Variants in ARHGEF28 observed in about 807,000 individuals in gnomAD.
The protein encoded by ARHGEF28 is Rho guanine nucleotide exchange factor 28.
ARHGEF28 carries 152 observed loss-of-function variants against 206.6 expected under a neutral mutation model. The observed-to-expected ratio is 0.74, with a 90% CI of 0.64 to 0.84. The LOEUF is 0.84. Among genes scored for constraint, ARHGEF28 ranks in the 40% least tolerant of loss-of-function variants. The probability of loss-of-function intolerance (pLI) is 0.00; values close to 1 mark genes in which losing one functional copy is unlikely to be tolerated. For synonymous variants in ARHGEF28, 763 were observed against 776.4 expected (o/e 0.98, Z 0.29); for missense variants, 2,028 against 2,073.2 (o/e 0.98, Z 0.42).
chr5:73,743,725 A>G (rs1280382808), intron 2 of ARHGEF28, among the ~76,000 whole-genome samples: 1 of 152,206 alleles, frequency 6.6e-6, no homozygotes, highest in African/African-American at 2.4e-5. Flanking sequence ...CAGAATCTGT[A>G]ACTGATAGAC....
rs572905410 is a variant in ARHGEF28, at chr5:73,886,049, G to T, written c.3255G>T (p.Arg1085Ser). The T allele has an allele frequency of 6.2e-7, 1 of 1,613,930 alleles. No homozygotes were observed. Among genetic ancestry groups the T allele is most frequent in the South Asian group, 1.1e-5 (1 of 91,068 alleles). ...AGCAGGCACTGATGAGTGAAGAAAGGACTCTGTTATATGATGGCCTTGTTT... is the reference window on the plus strand; with the variant it reads ...AGCAGGCACTGATGAGTGAAGAAAGTACTCTGTTATATGATGGCCTTGTTT... ...FRKQALMSEERTLLYDGLVYW... is the reference protein window; with the variant it reads ...FRKQALMSEESTLLYDGLVYW... Residue 1085 changes from arginine (R) to serine (S), a missense_variant, in exon 25 of 36, where the codon AGG becomes AGT. Physicochemically the swap from Arg to Ser is moderately radical, Grantham distance 110 (BLOSUM62 -1). Transcript: ENST00000513042.
chr5:73,699,464 G>T (rs1032191311), intron 2 of ARHGEF28, among the ~76,000 whole-genome samples: 1 of 152,098 alleles, frequency 6.6e-6, no homozygotes, highest in Admixed American at 6.6e-5. Context: ...TTTAGGAAGA[G>T]TTGCAGGTAT....
At chr5:73,784,410 C>T (rs1425132123) in intron 7 of ARHGEF28, among the ~76,000 whole-genome samples, 2 of 152,128 alleles carry the variant, frequency 1.3e-5, no homozygotes, top group Admixed American at 6.5e-5. Flanking sequence ...AATAATGGCA[C>T]ATTATTTCAA....
At chr5:73,846,239 TTTAC>T in intron 11 of ARHGEF28, 25 bp from the exon 12 acceptor site, 2 of 1,604,904 alleles carry the variant, frequency 1.2e-6, no homozygotes, top group Middle Eastern at 2.0e-4. Context: ...TCCTTGCTTC[TTTAC>T]TTACTTGCTG....
chr5:73,936,772 T>G (rs1205857301), intron 35 of ARHGEF28, among the ~76,000 whole-genome samples: 1 of 152,250 alleles, frequency 6.6e-6, no homozygotes, highest in Non-Finnish European at 1.5e-5. Context: ...CTCACTATGT[T>G]GCCCAGGCTG....
chr5:73,772,489 C>G (rs970647552), intron 4 of ARHGEF28, among the ~76,000 whole-genome samples: 32 of 152,184 alleles, frequency 2.1e-4, no homozygotes, highest in African/African-American at 7.7e-4. Flanking sequence ...AGCGATCCTC[C>G]CACCTCAGCC....
At position 73,860,480 on chromosome 5, in the gene ARHGEF28, C is replaced by T. The variant is rs576342885; in HGVS notation, c.2047+2261C>T. Among the ~76,000 whole-genome samples the T allele has an allele frequency of 1.9e-4, 29 of 152,252 alleles. 1 individual carries two copies. Among genetic ancestry groups the T allele is most frequent in the East Asian group, 1.4e-3 (7 of 5,168 alleles). Reference sequence around the variant, plus strand: ...TGTCTAAAACCGACCTCAAAGTCCACGCCCAGCAGGACATACTTGGCCTGG... The same window carrying T: ...TGTCTAAAACCGACCTCAAAGTCCATGCCCAGCAGGACATACTTGGCCTGG... On this transcript the variant is annotated intron_variant, in intron 16 of 35. Transcript: ENST00000513042.
At chr5:73,635,978 A>T (rs1318658635) in intron 1 of ARHGEF28, among the ~76,000 whole-genome samples, 2 of 152,252 alleles carry the variant, frequency 1.3e-5, no homozygotes, top group Non-Finnish European at 2.9e-5. Flanking sequence ...TATAAAATAC[A>T]TGTATATTGT....
Position 73,794,470 on chromosome 5 carries a change from C to T in ARHGEF28, c.963+16C>T, listed in dbSNP as rs532452348. The T allele has an allele frequency of 1.3e-6, 2 of 1,572,960 alleles. No homozygotes were observed. Among genetic ancestry groups the T allele is most frequent in the Non-Finnish European group, 1.7e-6 (2 of 1,152,886 alleles). The stretch of plus-strand genomic sequence containing the variant: ...AGATATAAAGGTAATGAATGACTCC[C>T]TGCTTCTTTCTTTGCACGTCTTTCC... On this transcript the variant is annotated intron_variant, in intron 8 of 35. Transcript: ENST00000513042.
At chr5:73,764,970 A>AC (rs774114386) in intron 4 of ARHGEF28, among the ~76,000 whole-genome samples, 56 of 151,594 alleles carry the variant, frequency 3.7e-4, no homozygotes, top group Non-Finnish European at 5.2e-4. Flanking sequence ...TCTCTCTTCT[A>AC]CTCTCTATGT....
At position 73,867,865 on chromosome 5, in the gene ARHGEF28, C is replaced by T; in HGVS notation, c.2153-11C>T. ...CTGGAAACCACATGAAGCATCTGTT[C>T]TGATTTCCAGATTCTTCATTTAGAG... On this transcript the variant is annotated splice_polypyrimidine_tract_variant and intron_variant, in intron 18 of 35. Transcript: ENST00000513042. The T allele has an allele frequency of 1.2e-6, 2 of 1,613,922 alleles. No homozygotes were observed. The highest frequency in any genetic ancestry group is 1.7e-6 in the Non-Finnish European group (2 of 1,179,858).
intron 7 of ARHGEF28, among the ~76,000 whole-genome samples, chr5:73,781,633 T>C (rs770577541): frequency 5.9e-5 from 9 of 152,208 alleles, no homozygotes; most frequent in Non-Finnish European, 1.0e-4. Flanking sequence ...GTATTTCTTG[T>C]CTGGAACAGA....
In ARHGEF28 at chr5:73,685,044, G is replaced by C. The variant is rs10755296; in HGVS notation, c.33+160G>C. Among the ~76,000 whole-genome samples, 108,346 of 152,142 alleles carry C rather than the reference G, an allele frequency of 0.71. 38,677 individuals are homozygous for C. Among genetic ancestry groups the C allele is most frequent in the East Asian group, 0.82 (4,242 of 5,180 alleles). The stretch of plus-strand genomic sequence containing the variant: ...TCTAGTTCAAGTATTTGCATGGAGC[G>C]TTTTAAAACTGGTTGGCTCCTGTTT... On this transcript the variant is annotated intron_variant, in intron 2 of 35. Coordinates refer to ENST00000513042, the MANE Select transcript of ARHGEF28 (RefSeq NM_001177693.2).
intron 1 of ARHGEF28, among the ~76,000 whole-genome samples, chr5:73,637,398 T>G (rs1743794245): frequency 6.6e-6 from 1 of 152,240 alleles, no homozygotes; most frequent in Admixed American, 6.5e-5. Context: ...ATAGCAAATC[T>G]GTAAAACCTC....
At position 73,867,961 on chromosome 5, in the gene ARHGEF28, G is replaced by A. The variant is rs1223754603; in HGVS notation, c.2238G>A (p.Arg746=). The stretch of plus-strand genomic sequence containing the variant: ...CTGTTGGATTGCCGACTGGAAGGAG[G>A]GAGACTGTGGGACAGGTCCATCCAT... ...SVPVGLPTGR[R]ETVGQVHPLS... is the part of the protein sequence containing the mutation. Residue 746 remains arginine (R), a synonymous_variant, in exon 19 of 36, where the codon AGG becomes AGA. Coordinates refer to ENST00000513042, the MANE Select transcript of ARHGEF28 (RefSeq NM_001177693.2). 6 of 1,613,840 alleles carry A rather than the reference G, an allele frequency of 3.7e-6. No homozygotes were observed. Among genetic ancestry groups the A allele is most frequent in the African/African-American group, 1.3e-5 (1 of 74,916 alleles).
chr5:73,799,335 C>A (rs531693727), intron 9 of ARHGEF28, among the ~76,000 whole-genome samples: 1 of 152,120 alleles, frequency 6.6e-6, no homozygotes, highest in Admixed American at 6.5e-5. Flanking sequence ...AGCAAAGCTG[C>A]GAATGGCTTG....
In ARHGEF28 at chr5:73,868,120, C is replaced by G. The variant is rs779119299; in HGVS notation, c.2318C>G (p.Ser773Cys). ...TLESFRRSAT[S>C]LESESDHNSC... Reference sequence around the variant, plus strand: ...CCTAGCTTCAGGAGGTCAGCCACATCCTTGGAGTCTGAGAGTGACCATAAC... The same window carrying G: ...CCTAGCTTCAGGAGGTCAGCCACATGCTTGGAGTCTGAGAGTGACCATAAC... The change falls in exon 20 of 36, where the codon TCC becomes TGC. Residue 773 changes from serine (S) to cysteine (C), a missense_variant. Coordinates refer to ENST00000513042, the MANE Select transcript of ARHGEF28 (RefSeq NM_001177693.2). The G allele has an allele frequency of 1.9e-6, 3 of 1,611,774 alleles. No homozygotes were observed. The highest frequency in any genetic ancestry group is 2.5e-6 in the Non-Finnish European group (3 of 1,178,934).
intron 1 of ARHGEF28, among the ~76,000 whole-genome samples, chr5:73,638,982 C>T (rs189216982): frequency 1.3e-5 from 2 of 152,106 alleles, no homozygotes; most frequent in Non-Finnish European, 2.9e-5. Context: ...GAGTAGCTGG[C>T]GCTTGTAGCT....
At chr5:73,753,876 C>T (rs1316716172) in intron 4 of ARHGEF28, among the ~76,000 whole-genome samples, 1 of 152,166 alleles carries the variant, frequency 6.6e-6, no homozygotes, top group African/African-American at 2.4e-5. Flanking sequence ...CACTGTGTTG[C>T]TCAGGCTGAA....
Sources: gnomAD v4.1 joint callset for allele counts (sites outside exome capture counted in the v4.1 genomes callset) on GRCh38, gnomAD v4.1.1 for gene constraint, MANE v1.5 for transcripts, NCBI Gene and HGNC (gene_info 2026-07-23, HGNC 2026-07-21) for gene names.